Variants in RGPD6 observed in about 807,000 individuals in gnomAD.
RGPD6 encodes RANBP2-like and GRIP domain-containing protein 5/6.
At chr2:110,602,618 C>T in the RGPD6 span, among the ~76,000 whole-genome samples, 1 of 39,760 alleles carries the variant, frequency 2.5e-5, no homozygotes, top group Non-Finnish European at 4.7e-5. Flanking sequence ...CTATTTATTA[C>T]AAATTGTGTT....
the RGPD6 span, among the ~76,000 whole-genome samples, chr2:110,591,944 T>G: frequency 1.4e-5 from 2 of 146,026 alleles, no homozygotes. Flanking sequence ...CTTTCTCTGC[T>G]GTACATTGAG....
the RGPD6 span, among the ~76,000 whole-genome samples, chr2:110,607,223 G>T: frequency 1.3e-5 from 2 of 150,868 alleles, no homozygotes; most frequent in Admixed American, 1.3e-4. Flanking sequence ...GTAAACTCAC[G>T]GAATGCCCAA....
chr2:110,599,121 C>T, the RGPD6 span, among the ~76,000 whole-genome samples: 2 of 147,746 alleles, frequency 1.4e-5, no homozygotes, highest in Admixed American at 6.7e-5. Flanking sequence ...CCCTAAAATA[C>T]CATGCTGAGT....
At chr2:110,596,885 C>A in the RGPD6 span, among the ~76,000 whole-genome samples, 1 of 137,454 alleles carries the variant, frequency 7.3e-6, no homozygotes, top group East Asian at 2.0e-4. Context: ...TCCATATATA[C>A]CTCACTGTAC....
At chr2:110,593,311 C>A in the RGPD6 span, among the ~76,000 whole-genome samples, 1 of 147,816 alleles carries the variant, frequency 6.8e-6, no homozygotes, top group Admixed American at 6.7e-5. Context: ...TCTATAGAGG[C>A]AGCTGTATGA....
chr2:110,610,840 C>G, the RGPD6 span: 3 of 1,033,986 alleles, frequency 2.9e-6, no homozygotes, highest in Admixed American at 1.2e-4. Flanking sequence ...GGGCCGCCCG[C>G]GCGCTGCGAC....
the RGPD6 span, among the ~76,000 whole-genome samples, chr2:110,601,970 G>GT: frequency 2.5e-5 from 3 of 118,588 alleles, no homozygotes; most frequent in Non-Finnish European, 3.5e-5. Flanking sequence ...GAAAATGTGT[G>GT]TATGTGCACT....
the RGPD6 span, chr2:110,610,814 G>A: frequency 4.2e-5 from 46 of 1,097,178 alleles, no homozygotes; most frequent in East Asian, 2.3e-3. Context: ...CGCTGCCGCC[G>A]CCGCCGCCGA....
chr2:110,596,368 T>TA, the RGPD6 span, among the ~76,000 whole-genome samples: 4 of 104,136 alleles, frequency 3.8e-5, no homozygotes, highest in Admixed American at 3.3e-4. Context: ...TTTCTAGAAT[T>TA]AGAGTCATAC....
At chr2:110,603,856 G>T in the RGPD6 span, among the ~76,000 whole-genome samples, 2 of 148,974 alleles carry the variant, frequency 1.3e-5, no homozygotes, top group African/African-American at 5.0e-5. Context: ...AACACTTAAG[G>T]CCCCTATCAT....
At chr2:110,607,684 T>A in the RGPD6 span, among the ~76,000 whole-genome samples, 1 of 147,626 alleles carries the variant, frequency 6.8e-6, no homozygotes, top group African/African-American at 2.6e-5. Context: ...ATGATGTCCA[T>A]CAATTAGAAA....
At chr2:110,593,017 CTT>C in the RGPD6 span, among the ~76,000 whole-genome samples, 1 of 147,654 alleles carries the variant, frequency 6.8e-6, no homozygotes, top group Non-Finnish European at 1.5e-5. Context: ...ACTAAACGTT[CTT>C]AACAAGAAAA....
chr2:110,605,998 T>TAA, the RGPD6 span, among the ~76,000 whole-genome samples: 1 of 151,526 alleles, frequency 6.6e-6, no homozygotes, highest in Non-Finnish European at 1.5e-5. Context: ...GGCTTATTCT[T>TAA]CTATTAAGTT....
At chr2:110,572,160 CA>C (rs1289768644) in intron 1 of RGPD6, among the ~76,000 whole-genome samples, 7 of 150 alleles carry the variant, frequency 0.047, 1 homozygote, top group Non-Finnish European at 0.16. Flanking sequence ...GACTCCGTCT[CA>C]AAAAAAAAAA....
chr2:110,599,745 G>A, the RGPD6 span, among the ~76,000 whole-genome samples: 1 of 56,798 alleles, frequency 1.8e-5, no homozygotes, highest in African/African-American at 5.9e-5. Context: ...AGGAATAAAA[G>A]TAAGGAAAAG....
At chr2:110,606,131 G>A in the RGPD6 span, among the ~76,000 whole-genome samples, 215 of 151,768 alleles carry the variant, frequency 1.4e-3, 3 homozygotes, top group African/African-American at 4.5e-3. Flanking sequence ...AGGAAATATC[G>A]AAGTGTATCA....
the RGPD6 span, among the ~76,000 whole-genome samples, chr2:110,606,921 C>G: frequency 6.6e-6 from 1 of 151,690 alleles, no homozygotes; most frequent in Non-Finnish European, 1.5e-5. Context: ...GTGTTCTTGT[C>G]TTAATTTCCT....
the RGPD6 span, among the ~76,000 whole-genome samples, chr2:110,591,496 A>G: frequency 6.7e-6 from 1 of 150,128 alleles, no homozygotes; most frequent in Non-Finnish European, 1.5e-5. Context: ...GCAGAAATAT[A>G]CTCACAGCTC....
the RGPD6 span, among the ~76,000 whole-genome samples, chr2:110,593,601 A>G: frequency 1.4e-5 from 2 of 144,814 alleles, no homozygotes; most frequent in Admixed American, 6.8e-5. Flanking sequence ...TTCACTGCAT[A>G]TTTTATTTCT....
Sources: gnomAD v4.1 joint callset for allele counts (sites outside exome capture counted in the v4.1 genomes callset) on GRCh38, gnomAD v4.1.1 for gene constraint, MANE v1.5 for transcripts, NCBI Gene and HGNC (gene_info 2026-07-23, HGNC 2026-07-21) for gene names.